ROBO1: variants seen among roughly 807,000 people sequenced by gnomAD.
The protein encoded by ROBO1 is roundabout homolog 1.
ROBO1 carries 149 observed loss-of-function variants against 195.9 expected under a neutral mutation model. The ratio of observed to expected loss-of-function variants is 0.76; its 90% CI spans 0.67 to 0.87. The LOEUF is 0.87. ROBO1 is among the 40% of genes least tolerant of loss of function. The probability of loss-of-function intolerance (pLI) is 0.00; values close to 1 mark genes in which losing one functional copy is unlikely to be tolerated. For synonymous variants in ROBO1, 816 were observed against 733.2 expected (o/e 1.11, Z -1.82); for missense variants, 1,933 against 2,068.3 (o/e 0.93, Z 1.27).
intron 14 of ROBO1, among the ~76,000 whole-genome samples, chr3:78,665,415 C>G (rs1285563814): frequency 1.3e-5 from 2 of 152,150 alleles, no homozygotes; most frequent in African/African-American, 4.8e-5. Context: ...CCTTTTACAG[C>G]TAATTTTTTA....
intron 3 of ROBO1, among the ~76,000 whole-genome samples, chr3:78,968,688 T>A (rs2076700895): frequency 6.6e-6 from 1 of 152,180 alleles, no homozygotes; most frequent in Admixed American, 6.5e-5. Flanking sequence ...CTTTCTTTTT[T>A]AGGAGTTGTT....
intron 2 of ROBO1, among the ~76,000 whole-genome samples, chr3:79,409,006 T>C (rs2037665009): frequency 1.3e-5 from 2 of 152,128 alleles, no homozygotes; most frequent in African/African-American, 2.4e-5. Flanking sequence ...CTAGGTTATG[T>C]TGAAAATGAT....
chr3:79,394,043 A>G (rs994211268), intron 2 of ROBO1, among the ~76,000 whole-genome samples: 28 of 152,200 alleles, frequency 1.8e-4, no homozygotes, highest in Non-Finnish European at 4.1e-4. Context: ...TTCCCTTAGT[A>G]TCACAAAAAG....
chr3:78,938,452 C>T (rs954539894), intron 4 of ROBO1, 149 bp downstream of exon 4: 3 of 622,638 alleles, frequency 4.8e-6, no homozygotes, highest in Non-Finnish European at 8.0e-6. Context: ...TACAGAAAAC[C>T]GAAATAGTAG....
At chr3:78,643,650 GCCGAGTTT>G in intron 21 of ROBO1, among the ~76,000 whole-genome samples, 1 of 152,242 alleles carries the variant, frequency 6.6e-6, no homozygotes, top group African/African-American at 2.4e-5. Flanking sequence ...TGCATATTAT[GCCGAGTTT>G]GGATCTGATA....
At chr3:78,718,446 C>T (rs1405371037) in intron 5 of ROBO1, among the ~76,000 whole-genome samples, 7 of 152,066 alleles carry the variant, frequency 4.6e-5, no homozygotes, top group Non-Finnish European at 1.0e-4. Flanking sequence ...GTTGCTGCCA[C>T]CCAAGCTGGT....
chr3:79,657,464 T>C (rs1014388252), intron 1 of ROBO1, among the ~76,000 whole-genome samples: 1 of 152,050 alleles, frequency 6.6e-6, no homozygotes, highest in Non-Finnish European at 1.5e-5. Flanking sequence ...GAATATATTT[T>C]CCAAATTGGA....
intron 4 of ROBO1, among the ~76,000 whole-genome samples, chr3:78,820,605 A>T (rs2030796161): frequency 6.6e-6 from 1 of 152,220 alleles, no homozygotes; most frequent in Non-Finnish European, 1.5e-5. Context: ...TTCATTGTTG[A>T]TAGCTCCAGT....
At chr3:79,440,679 C>G (rs1013601708) in intron 2 of ROBO1, among the ~76,000 whole-genome samples, 2 of 152,078 alleles carry the variant, frequency 1.3e-5, no homozygotes, top group Non-Finnish European at 2.9e-5. Flanking sequence ...TACTGTGGGA[C>G]TAAGTTTTCT....
At chr3:79,317,218 C>G (rs191344674) in intron 2 of ROBO1, among the ~76,000 whole-genome samples, 5 of 152,176 alleles carry the variant, frequency 3.3e-5, no homozygotes, top group African/African-American at 1.2e-4. Flanking sequence ...CCACCAATCT[C>G]CAATTTAAAC....
At chr3:78,834,686 T>G (rs1394667538) in intron 4 of ROBO1, among the ~76,000 whole-genome samples, 1 of 152,054 alleles carries the variant, frequency 6.6e-6, no homozygotes, top group Non-Finnish European at 1.5e-5. Flanking sequence ...CTGACAATCT[T>G]CTTTATCCGG....
intron 2 of ROBO1, among the ~76,000 whole-genome samples, chr3:79,183,229 T>TTG (rs1210619460): frequency 4.6e-5 from 7 of 152,226 alleles, no homozygotes; most frequent in African/African-American, 1.7e-4. Context: ...TTTATAAGAT[T>TTG]TGTGTCATCA....
At chr3:78,693,285 G>T in intron 8 of ROBO1, 1 of 1,546,264 alleles carries the variant, frequency 6.5e-7, no homozygotes, top group South Asian at 1.2e-5. Context: ...ATGGAAAGGG[G>T]AAGAGAAGTT....
chr3:78,690,098 T>C (rs2081138377), intron 8 of ROBO1, among the ~76,000 whole-genome samples: 1 of 149,960 alleles, frequency 6.7e-6, no homozygotes, highest in Non-Finnish European at 1.5e-5. Flanking sequence ...TTTGAATTTA[T>C]AGGCCATAAA....
chr3:79,382,964 A>C (rs2036622605), intron 2 of ROBO1, among the ~76,000 whole-genome samples: 1 of 152,116 alleles, frequency 6.6e-6, no homozygotes, highest in African/African-American at 2.4e-5. Context: ...TCTGTGGAGG[A>C]TTCAAGTAAC....
intron 4 of ROBO1, among the ~76,000 whole-genome samples, chr3:78,929,208 G>A (rs1211596399): frequency 6.6e-6 from 1 of 152,080 alleles, no homozygotes; most frequent in Non-Finnish European, 1.5e-5. Context: ...TGCGACTGAA[G>A]TTACAATTTT....
At chr3:79,490,734 G>A (rs1220432038) in intron 2 of ROBO1, among the ~76,000 whole-genome samples, 4 of 152,160 alleles carry the variant, frequency 2.6e-5, no homozygotes, top group Admixed American at 1.3e-4. Context: ...AAGGAAATGC[G>A]GTCAAGGACT....
intron 2 of ROBO1, among the ~76,000 whole-genome samples, chr3:79,578,119 G>C (rs888371794): frequency 2.0e-5 from 3 of 151,904 alleles, no homozygotes; most frequent in African/African-American, 7.3e-5. Flanking sequence ...ACATCTATTA[G>C]ATAGCTAAAA....
chr3:79,458,866 T>C (rs1295246222), intron 2 of ROBO1, among the ~76,000 whole-genome samples: 1 of 151,844 alleles, frequency 6.6e-6, no homozygotes, highest in Non-Finnish European at 1.5e-5. Context: ...ACATATCCAA[T>C]TTGCCAGAGT....
Sources: allele counts gnomAD v4.1 joint callset (sites outside exome capture counted in the v4.1 genomes callset), GRCh38; gene constraint gnomAD v4.1.1; transcripts MANE v1.5; gene names NCBI Gene and HGNC (gene_info 2026-07-23, HGNC 2026-07-21).